Variants in KLHL4 observed in about 807,000 individuals in gnomAD.
The protein encoded by KLHL4 is kelch-like protein 4.
In KLHL4, 17 loss-of-function variants were observed where a neutral mutation model predicts 45.8. The ratio of observed to expected loss-of-function variants is 0.37; its 90% CI spans 0.25 to 0.56. The LOEUF (loss-of-function observed/expected upper bound fraction) is 0.56, where lower values mean the gene tolerates loss of function less well. Among genes scored for constraint, KLHL4 ranks in the 20% least tolerant of loss-of-function variants. KLHL4 has a pLI of 0.79. For missense variants in KLHL4, 544 were observed against 544.9 expected, an observed-to-expected ratio of 1.00 and a Z score of 0.02; for synonymous variants, 224 against 189.9, an observed-to-expected ratio of 1.18 and a Z score of -1.47.
At chrX:87,621,039 CTTACGGCATCAGA>C (rs370467582) in intron 4 of KLHL4, among the ~76,000 whole-genome samples, 2,964 of 112,014 alleles carry the variant, frequency 0.026, 101 homozygotes, top group African/African-American at 0.091. Context: ...CAGTTTGAAA[CTTACGGCATCAGA>C]GCTTTCTGAT....
chrX:87,631,122 G>A (rs1304442633), intron 6 of KLHL4, among the ~76,000 whole-genome samples: 2 of 111,344 alleles, frequency 1.8e-5, no homozygotes, highest in Non-Finnish European at 3.8e-5. Flanking sequence ...ATCTCTGGCA[G>A]CCCCCACACC....
chrX:87,593,814 C>A (rs181166077), intron 1 of KLHL4, among the ~76,000 whole-genome samples: 2 of 111,301 alleles, frequency 1.8e-5, no homozygotes, highest in Non-Finnish European at 3.8e-5. Flanking sequence ...CCAGCAATAC[C>A]TAACATAAAT....
chrX:87,623,972 C>G (rs1267079198), intron 5 of KLHL4, among the ~76,000 whole-genome samples: 1 of 111,938 alleles, frequency 8.9e-6, no homozygotes, highest in Non-Finnish European at 1.9e-5. Flanking sequence ...TCTCATGCCC[C>G]ACTGCAGACC....
Position 87,668,649 on chromosome X carries a change from T to G in KLHL4, c.*2115T>G. ...TGCCCTCCTGAATGGATTAATCCATTCATGGATTAATGGATTATTATGAGT... is the reference window on the plus strand; with the variant it reads ...TGCCCTCCTGAATGGATTAATCCATGCATGGATTAATGGATTATTATGAGT... On this transcript the variant is annotated 3_prime_UTR_variant, in exon 11 of 11. Coordinates refer to ENST00000373119, the MANE Select transcript of KLHL4 (RefSeq NM_019117.5). 3 of 155,207 alleles carry G rather than the reference T, an allele frequency of 1.9e-5. No homozygotes were observed. Among genetic ancestry groups the G allele is most frequent in the African/African-American group, 3.1e-5 (1 of 31,859 alleles). 12.8% of individuals were successfully genotyped at this position (155,207 alleles called of 1,213,427 possible).
chrX:87,666,747 C>T lies in KLHL4; in HGVS notation c.*213C>T. ...ACATATGAATTATTAAGCATATGTG[C>T]TTTCGCAGCTGATAATATAAAAGGA... On this transcript the variant is annotated 3_prime_UTR_variant, in exon 11 of 11. Transcript: ENST00000373119. 1.1e-6 allele frequency: 1 copy of T among 933,847 alleles called. No individual in the cohort carries two copies. Among genetic ancestry groups the T allele is most frequent in the Non-Finnish European group, 1.3e-6 (1 of 750,274 alleles). The allele number at this position is 933,847 out of a possible 1,213,427, so 77.0% of individuals were successfully genotyped here.
intron 4 of KLHL4, among the ~76,000 whole-genome samples, chrX:87,618,798 C>A (rs1477019354): frequency 9.0e-6 from 1 of 111,701 alleles, no homozygotes; most frequent in East Asian, 2.8e-4. Flanking sequence ...TGCGCCCAGC[C>A]CAGATAATTT....
chrX:87,587,512 G>A (rs1921519945), intron 1 of KLHL4, among the ~76,000 whole-genome samples: 1 of 111,458 alleles, frequency 9.0e-6, no homozygotes, highest in South Asian at 3.7e-4. Flanking sequence ...TAATCAATGT[G>A]ATACATCATA....
intron 1 of KLHL4, among the ~76,000 whole-genome samples, chrX:87,587,191 G>C (rs1408762246): frequency 1.0e-5 from 1 of 100,033 alleles, no homozygotes; most frequent in East Asian, 3.2e-4. Context: ...TGGCTTCACT[G>C]CTGAGTTTGA....
At position 87,666,490 on chromosome X, in the gene KLHL4, A is replaced by C; in HGVS notation, c.2113A>C (p.Ile705Leu). ...TGTGTTTTAGGAAGTTCCTGTTAACATTGGAAGAGCTGGTGCATGTGTTGT... is the reference window on the plus strand; with the variant it reads ...TGTGTTTTAGGAAGTTCCTGTTAACCTTGGAAGAGCTGGTGCATGTGTTGT... ...NEWKEEVPVN[I>L]GRAGACVVVV... Residue 705 changes from isoleucine to leucine, a missense_variant, in exon 11 of 11, where the codon ATT (isoleucine) becomes CTT (leucine). Ile to Leu is a conservative substitution (Grantham distance 5). Transcript: ENST00000373119. 4 of 1,191,465 alleles carry C rather than the reference A, an allele frequency of 3.4e-6. No individual in the cohort carries two copies. The highest frequency in any genetic ancestry group is 4.5e-6 in the Non-Finnish European group (4 of 879,852).
At chrX:87,647,180 A>G (rs1016223928) in intron 9 of KLHL4, among the ~76,000 whole-genome samples, 1 of 112,034 alleles carries the variant, frequency 8.9e-6, no homozygotes, top group Admixed American at 9.5e-5. Context: ...TCAAAAGCAC[A>G]ATGCAATACT....
chrX:87,637,592 A>G (rs1337135338), intron 9 of KLHL4, among the ~76,000 whole-genome samples: 7 of 111,468 alleles, frequency 6.3e-5, no homozygotes, highest in Non-Finnish European at 1.1e-4. Flanking sequence ...TAAATAAATA[A>G]ATAAATAAAA....
chrX:87,610,888 A>C (rs1416731873), intron 1 of KLHL4, among the ~76,000 whole-genome samples: 5 of 110,867 alleles, frequency 4.5e-5, no homozygotes, highest in African/African-American at 1.3e-4. Flanking sequence ...AGCCTGGCCA[A>C]CATGGTGAAA....
At chrX:87,589,895 G>A (rs375173321) in intron 1 of KLHL4, among the ~76,000 whole-genome samples, 7 of 109,275 alleles carry the variant, frequency 6.4e-5, no homozygotes, top group Non-Finnish European at 9.5e-5. Flanking sequence ...AAAATTAGCC[G>A]GGCATGGTGG....
intron 1 of KLHL4, among the ~76,000 whole-genome samples, chrX:87,568,395 T>C (rs1308449734): frequency 9.0e-5 from 9 of 99,809 alleles, no homozygotes; most frequent in Non-Finnish European, 6.1e-5. Flanking sequence ...TTTTTTCTTT[T>C]TTTTTTTTTT....
chrX:87,646,383 A>G (rs780650989), intron 9 of KLHL4, among the ~76,000 whole-genome samples: 100 of 111,756 alleles, frequency 8.9e-4, no homozygotes, highest in Non-Finnish European at 1.7e-3. Flanking sequence ...TCACAGAATT[A>G]GAAAAAACAA....
At chrX:87,566,082 A>G (rs1932206220) in intron 1 of KLHL4, among the ~76,000 whole-genome samples, 1 of 110,481 alleles carries the variant, frequency 9.1e-6, no homozygotes, top group Non-Finnish European at 1.9e-5. Context: ...CCAGAACTTA[A>G]AGTAAAATAA....
intron 1 of KLHL4, among the ~76,000 whole-genome samples, chrX:87,526,056 C>A (rs1931104401): frequency 8.9e-6 from 1 of 111,838 alleles, no homozygotes; most frequent in Non-Finnish European, 1.9e-5. Context: ...TTACTAAAGG[C>A]AAGCTATCTA....
chrX:87,580,626 G>A (rs1032888261), intron 1 of KLHL4, among the ~76,000 whole-genome samples: 8 of 111,521 alleles, frequency 7.2e-5, no homozygotes, highest in Admixed American at 9.5e-5. Context: ...TACATACAAA[G>A]AAGGTAATTT....
At chrX:87,603,169 A>C (rs2147807014) in intron 1 of KLHL4, among the ~76,000 whole-genome samples, 1 of 111,975 alleles carries the variant, frequency 8.9e-6, no homozygotes, top group South Asian at 3.7e-4. Flanking sequence ...ACAGTGAAGG[A>C]TAATACATAA....
Sources: gnomAD v4.1 joint callset for allele counts (sites outside exome capture counted in the v4.1 genomes callset) on GRCh38, gnomAD v4.1.1 for gene constraint, MANE v1.5 for transcripts, NCBI Gene and HGNC (gene_info 2026-07-23, HGNC 2026-07-21) for gene names.